The following IFT74 variants were observed in gnomAD, a reference collection of about 807,000 sequenced individuals.
The protein encoded by IFT74 is intraflagellar transport 74, also known as intraflagellar transport protein 74 homolog.
In IFT74, 92 loss-of-function variants were observed where a neutral mutation model predicts 96.7. The ratio of observed to expected loss-of-function variants is 0.95; its 90% CI spans 0.80 to 1.13. The LOEUF is 1.13. IFT74 is among the 50% of genes most tolerant of loss of function. The pLI, the probability that IFT74 is intolerant of heterozygous loss-of-function variation, is 0.00. For synonymous variants in IFT74, 223 were observed against 213.2 expected (o/e 1.05, Z -0.40); for missense variants, 811 against 698.2 (o/e 1.16, Z -1.82).
chr9:27,033,186 C>T (rs1830201513), intron 13 of IFT74, among the ~76,000 whole-genome samples: 1 of 152,096 alleles, frequency 6.6e-6, no homozygotes, highest in Non-Finnish European at 1.5e-5. Context: ...ATACATTCTT[C>T]CCTATGAGGA....
At chr9:27,022,823 A>G (rs1829675930) in intron 12 of IFT74, among the ~76,000 whole-genome samples, 1 of 151,868 alleles carries the variant, frequency 6.6e-6, no homozygotes, top group African/African-American at 2.4e-5. Context: ...TTGTATTTTT[A>G]GTAGAGACGG....
At chr9:26,972,825 A>G (rs778690982) in intron 2 of IFT74, among the ~76,000 whole-genome samples, 5 of 152,154 alleles carry the variant, frequency 3.3e-5, no homozygotes, top group Non-Finnish European at 7.3e-5. Context: ...CGGGCTCTGT[A>G]TATTGAAGCT....
chr9:26,965,518 T>A (rs552448497), intron 2 of IFT74, among the ~76,000 whole-genome samples: 1 of 152,274 alleles, frequency 6.6e-6, no homozygotes, highest in African/African-American at 2.4e-5. Flanking sequence ...ATACATAGGA[T>A]AGTAAGGGTA....
intron 2 of IFT74, among the ~76,000 whole-genome samples, chr9:26,973,292 AT>A (rs1242027683): frequency 6.6e-6 from 1 of 152,144 alleles, no homozygotes; most frequent in Non-Finnish European, 1.5e-5. Context: ...GACCCATCTG[AT>A]TTCTTGACAG....
chr9:27,032,733 G>T (rs184332353), intron 13 of IFT74, among the ~76,000 whole-genome samples: 1 of 152,090 alleles, frequency 6.6e-6, no homozygotes, highest in African/African-American at 2.4e-5. Flanking sequence ...AGGCATGGTG[G>T]TGTGTACCTG....
rs1204726454 is a variant in IFT74 at position 27,044,772 on chromosome 9, A to G, written c.1085A>G (p.Lys362Arg). 1 of 1,563,628 alleles carries G rather than the reference A, an allele frequency of 6.4e-7. No homozygotes were observed. The highest frequency in any genetic ancestry group is 8.7e-7 in the Non-Finnish European group (1 of 1,143,428). ...GEMNQKYKEL[K>R]KREEHMDTFI... is the part of the protein sequence containing the mutation. ...ATGAACCAGAAATACAAGGAGCTAA[A>G]GAAAAGGGAGGAACATATGGACAGT... The change falls in exon 14 of 20, where the codon AAG becomes AGG. Residue 362 changes from lysine (K) to arginine (R), a missense_variant. Lys to Arg is a conservative substitution (Grantham distance 26). Coordinates refer to ENST00000380062, the MANE Select transcript of IFT74 (RefSeq NM_025103.4).
intron 8 of IFT74, among the ~76,000 whole-genome samples, chr9:27,007,508 C>T (rs950960569): frequency 4.6e-5 from 7 of 152,192 alleles, no homozygotes; most frequent in Non-Finnish European, 1.0e-4. Context: ...ATTTGTTTTA[C>T]TGTTGTAATT....
rs985422039 is a variant in IFT74, at chr9:27,063,362, T to C, written c.*626T>C. ...CCTGGAAGAACATTAGGTAAAAGACTACATTTATAGTGGGCTGTTTTGGAC... is the reference window on the plus strand; with the variant it reads ...CCTGGAAGAACATTAGGTAAAAGACCACATTTATAGTGGGCTGTTTTGGAC... On this transcript the variant is annotated 3_prime_UTR_variant, in exon 20 of 20. Coordinates refer to ENST00000380062, the MANE Select transcript of IFT74 (RefSeq NM_025103.4). Among the ~76,000 whole-genome samples, 2 of 152,192 alleles carry C rather than the reference T, an allele frequency of 1.3e-5. No homozygotes were observed. The highest frequency in any genetic ancestry group is 4.8e-5 in the African/African-American group (2 of 41,468).
In IFT74 at chr9:27,055,755, G is replaced by A; in HGVS notation, c.1480G>A (p.Gly494Ser). Residue 494 changes from glycine to serine, a missense_variant, in exon 17 of 20, where the codon GGT becomes AGT. Gly to Ser is a moderately conservative substitution (Grantham distance 56). Coordinates refer to ENST00000380062, the MANE Select transcript of IFT74 (RefSeq NM_025103.4). Reference sequence around the variant, plus strand: ...TGATTTGCCAGCTTTAAAATCATCAGGTGAAGAAAAGATAAAGGTAAATGT... The same window carrying A: ...TGATTTGCCAGCTTTAAAATCATCAAGTGAAGAAAAGATAAAGGTAAATGT... ...YNDLPALKSSGEEKIKKLHQE... is the reference protein window; with the variant it reads ...YNDLPALKSSSEEKIKKLHQE... 6.5e-7 allele frequency: 1 copy of A among 1,540,188 alleles called. No homozygotes were observed.
intron 3 of IFT74, among the ~76,000 whole-genome samples, chr9:26,979,923 C>T (rs1016605945): frequency 2.0e-5 from 3 of 151,878 alleles, no homozygotes; most frequent in African/African-American, 7.3e-5. Flanking sequence ...CCATATTGGC[C>T]AGGCTGGTCT....
intron 14 of IFT74, among the ~76,000 whole-genome samples, chr9:27,046,200 A>T (rs144014232): frequency 1.6e-3 from 237 of 152,354 alleles, no homozygotes; most frequent in Non-Finnish European, 2.6e-3. Flanking sequence ...TAGAAGCAGG[A>T]TATTCACACA....
At chr9:27,014,476 T>C (rs1263343955) in intron 10 of IFT74, among the ~76,000 whole-genome samples, 1 of 152,246 alleles carries the variant, frequency 6.6e-6, no homozygotes, top group African/African-American at 2.4e-5. Context: ...TTACTTTTTG[T>C]ACTGATGCCG....
At chr9:27,054,623 A>G (rs1820077981) in intron 16 of IFT74, among the ~76,000 whole-genome samples, 1 of 152,192 alleles carries the variant, frequency 6.6e-6, no homozygotes, top group South Asian at 2.1e-4. Flanking sequence ...CCCTCTCACT[A>G]AAGTTACTTT....
intron 13 of IFT74, 114 bp downstream of exon 13, chr9:27,029,218 C>G (rs367961135): frequency 1.5e-6 from 1 of 665,102 alleles, no homozygotes; most frequent in Non-Finnish European, 2.4e-6. Flanking sequence ...ATTTAATTCT[C>G]TATGATATTA....
chr9:26,957,447 T>G (rs1437325526), intron 1 of IFT74, among the ~76,000 whole-genome samples: 1 of 152,236 alleles, frequency 6.6e-6, no homozygotes, highest in African/African-American at 2.4e-5. Flanking sequence ...CCTTTTTCCA[T>G]TTGAAATTCT....
At chr9:26,977,162 A>G (rs1456682005) in intron 2 of IFT74, among the ~76,000 whole-genome samples, 1 of 151,996 alleles carries the variant, frequency 6.6e-6, no homozygotes, top group African/African-American at 2.4e-5. Flanking sequence ...TTGTTTTTTT[A>G]AAAGACGGTC....
chr9:27,055,958 G>A (rs1394173078), intron 17 of IFT74, among the ~76,000 whole-genome samples, 186 bp downstream of exon 17: 3 of 151,988 alleles, frequency 2.0e-5, no homozygotes, highest in Non-Finnish European at 4.4e-5. Context: ...TTAAAGAAAA[G>A]CAAAAATTGA....
chr9:27,050,474 A>T (rs566974624), intron 16 of IFT74, among the ~76,000 whole-genome samples: 2 of 152,312 alleles, frequency 1.3e-5, no homozygotes, highest in South Asian at 4.1e-4. Flanking sequence ...AGAGACTAGG[A>T]TAAGGTCATG....
chr9:27,029,041 G>T lies in IFT74; in HGVS notation c.991G>T (p.Glu331Ter), dbSNP rs1830001252. ...SMERQLTDTKEKINQFIEEIR... is the reference protein window; with the variant it reads ...SMERQLTDTK ...TTTCAACAGGTTAACAGATACAAAA[G>T]AAAAGATAAATCAGTTTATTGAAGA... The change falls in exon 13 of 20, where the codon GAA becomes TAA. Residue 331 changes from glutamate to a stop codon, truncating the protein, a stop_gained. Transcript: ENST00000380062. LOFTEE classifies it high-confidence loss of function. 6.3e-7 allele frequency: 1 copy of T among 1,598,906 alleles called. No homozygotes were observed. The highest frequency in any genetic ancestry group is 1.3e-5 in the African/African-American group (1 of 74,314).
Sources: allele counts gnomAD v4.1 joint callset (sites outside exome capture counted in the v4.1 genomes callset), GRCh38; gene constraint gnomAD v4.1.1; transcripts MANE v1.5; gene names NCBI Gene and HGNC (gene_info 2026-07-23, HGNC 2026-07-21).